Variants in CNTNAP4 observed in about 807,000 individuals in gnomAD.
CNTNAP4 encodes the protein contactin-associated protein-like 4.
CNTNAP4 carries 98 observed loss-of-function variants against 148.4 expected under a neutral mutation model. That is an observed-to-expected ratio of 0.66 (90% CI 0.56 to 0.78). The LOEUF is 0.78. Among genes scored for constraint, CNTNAP4 ranks in the 30% least tolerant of loss-of-function variants. The pLI is 0.00. For synonymous variants in CNTNAP4, 730 were observed against 565.1 expected (o/e 1.29, Z -4.14); for missense variants, 1,935 against 1,565.6 (o/e 1.24, Z -3.98).
intron 13 of CNTNAP4, among the ~76,000 whole-genome samples, chr16:76,493,311 G>T (rs1441595260): frequency 6.6e-6 from 1 of 152,138 alleles, no homozygotes; most frequent in Non-Finnish European, 1.5e-5. Flanking sequence ...GTTTTCTGCT[G>T]CTGAGGATCT....
chr16:76,472,766 C>T (rs939028317), intron 10 of CNTNAP4, among the ~76,000 whole-genome samples: 2 of 152,014 alleles, frequency 1.3e-5, no homozygotes, highest in African/African-American at 2.4e-5. Context: ...AACTCATAGA[C>T]ACAAAAAGGG....
At chr16:76,301,126 G>T (rs1959917724) in intron 1 of CNTNAP4, among the ~76,000 whole-genome samples, 1 of 151,908 alleles carries the variant, frequency 6.6e-6, no homozygotes, top group Non-Finnish European at 1.5e-5. Context: ...TTGTGGGTAA[G>T]AGTAGTGTAT....
At chr16:76,290,328 C>T (rs564910952) in intron 1 of CNTNAP4, among the ~76,000 whole-genome samples, 1 of 152,308 alleles carries the variant, frequency 6.6e-6, no homozygotes, top group East Asian at 1.9e-4. Flanking sequence ...CAAAACCACA[C>T]ATGCTCATTC....
At chr16:76,381,598 A>G (rs2015972160) in intron 3 of CNTNAP4, among the ~76,000 whole-genome samples, 1 of 152,184 alleles carries the variant, frequency 6.6e-6, no homozygotes, top group Admixed American at 6.5e-5. Context: ...GAGAATTAAC[A>G]TGTGGTTTAC....
At chr16:76,421,164 G>A (rs929894955) in intron 3 of CNTNAP4, among the ~76,000 whole-genome samples, 3 of 151,868 alleles carry the variant, frequency 2.0e-5, no homozygotes, top group African/African-American at 7.2e-5. Flanking sequence ...TTTATAACTT[G>A]TATCTCCATA....
intron 2 of CNTNAP4, among the ~76,000 whole-genome samples, chr16:76,322,708 C>T (rs1213909145): frequency 6.6e-6 from 1 of 152,176 alleles, no homozygotes; most frequent in Non-Finnish European, 1.5e-5. Flanking sequence ...AAAGTGTGTC[C>T]TGCCAGTTAA....
chr16:76,393,964 T>C (rs1388594870), intron 3 of CNTNAP4, among the ~76,000 whole-genome samples: 1 of 152,216 alleles, frequency 6.6e-6, no homozygotes. Flanking sequence ...TGTGAACGCT[T>C]TTGTGTGTCT....
Position 76,509,432 on chromosome 16 carries a change from G to A in CNTNAP4, c.2365+10738G>A, listed in dbSNP as rs1226476215. 3.1e-5 allele frequency among the ~76,000 whole-genome samples: 3 copies of A among 97,614 alleles called. 1 individual carries two copies. The highest frequency in any genetic ancestry group is 5.8e-5 in the Non-Finnish European group (2 of 34,380). The allele number at this position is 97,614 out of a possible 152,430, so 64.0% of individuals were successfully genotyped here. On this transcript the variant is annotated intron_variant, in intron 15 of 23. Transcript: ENST00000611870. ...GACAAAATAATTTTAAAAAGAGGTT[G>A]AGAAATGAATTTATAAAACTTTATT...
chr16:76,530,548 A>G (rs2083931978), intron 17 of CNTNAP4, among the ~76,000 whole-genome samples: 1 of 152,190 alleles, frequency 6.6e-6, no homozygotes, highest in Non-Finnish European at 1.5e-5. Flanking sequence ...TGGTCAAACT[A>G]GAGACTCGCT....
chr16:76,550,960 C>G (rs905249733), intron 21 of CNTNAP4, among the ~76,000 whole-genome samples: 4 of 152,094 alleles, frequency 2.6e-5, no homozygotes, highest in African/African-American at 9.7e-5. Context: ...GGCTCAATAC[C>G]AGATCCCTCA....
intron 3 of CNTNAP4, among the ~76,000 whole-genome samples, chr16:76,373,642 C>G (rs1401298411): frequency 6.6e-6 from 1 of 152,124 alleles, no homozygotes; most frequent in Non-Finnish European, 1.5e-5. Context: ...TGCCTGTAAT[C>G]TCAGCACTTT....
intron 14 of CNTNAP4, among the ~76,000 whole-genome samples, chr16:76,496,159 G>A (rs2082396215): frequency 6.6e-6 from 1 of 151,002 alleles, no homozygotes; most frequent in African/African-American, 2.4e-5. Context: ...TGTTTGGTAT[G>A]AAGAATATTG....
chr16:76,559,863 T>C lies in CNTNAP4; in HGVS notation c.*1180T>C, dbSNP rs1340345494. 6.6e-6 allele frequency among the ~76,000 whole-genome samples: 1 copy of C among 152,142 alleles called. No homozygotes were observed. Among genetic ancestry groups the C allele is most frequent in the Non-Finnish European group, 1.5e-5 (1 of 68,012 alleles). On this transcript the variant is annotated 3_prime_UTR_variant, in exon 24 of 24. Coordinates refer to ENST00000611870, the MANE Select transcript of CNTNAP4 (RefSeq NM_033401.5). ...CTGCAACCATCAGTGATCTACACAA[T>C]CAATAATTAAACAATGCACACTCTA...
chr16:76,385,905 T>C (rs2016471417), intron 3 of CNTNAP4, among the ~76,000 whole-genome samples: 2 of 152,162 alleles, frequency 1.3e-5, no homozygotes, highest in African/African-American at 4.8e-5. Flanking sequence ...AAGGCAGTAT[T>C]TCAGCTCTAC....
At chr16:76,356,461 A>G (rs2012660866) in intron 3 of CNTNAP4, among the ~76,000 whole-genome samples, 1 of 152,202 alleles carries the variant, frequency 6.6e-6, no homozygotes, top group African/African-American at 2.4e-5. Flanking sequence ...ATTTTGTGAT[A>G]AAGTGGGTGA....
At chr16:76,531,650 C>T (rs2083989784) in intron 17 of CNTNAP4, among the ~76,000 whole-genome samples, 1 of 152,138 alleles carries the variant, frequency 6.6e-6, no homozygotes, top group Non-Finnish European at 1.5e-5. Flanking sequence ...TAATTGGACA[C>T]ACTCTAACCC....
At chr16:76,533,208 G>T (rs2084062060) in intron 17 of CNTNAP4, among the ~76,000 whole-genome samples, 1 of 152,068 alleles carries the variant, frequency 6.6e-6, no homozygotes, top group South Asian at 2.1e-4. Flanking sequence ...GAACTGAAGG[G>T]CATTATGTTT....
chr16:76,287,609 A>G (rs1958940464), intron 1 of CNTNAP4: 1 of 152,074 alleles, frequency 6.6e-6, no homozygotes, highest in Non-Finnish European at 1.5e-5. Context: ...TCCTGTGATC[A>G]TTTTCCTTTT....
At chr16:76,486,794 C>G (rs1301513803) in intron 12 of CNTNAP4, among the ~76,000 whole-genome samples, 1 of 152,080 alleles carries the variant, frequency 6.6e-6, no homozygotes, top group East Asian at 1.9e-4. Flanking sequence ...GAGAGTGTGC[C>G]AGGCACCCTC....
Sources: allele counts gnomAD v4.1 joint callset (sites outside exome capture counted in the v4.1 genomes callset), GRCh38; gene constraint gnomAD v4.1.1; transcripts MANE v1.5; gene names NCBI Gene and HGNC (gene_info 2026-07-23, HGNC 2026-07-21).